The following RAB31 variants were observed in gnomAD, a reference collection of about 807,000 sequenced individuals.
RAB31 encodes ras-related protein Rab-31.
In RAB31, 21 loss-of-function variants were observed where a neutral mutation model predicts 25.6. The ratio of observed to expected loss-of-function variants is 0.82; its 90% CI spans 0.58 to 1.18. The LOEUF (loss-of-function observed/expected upper bound fraction) is 1.18, where lower values mean the gene tolerates loss of function less well. Among genes scored for constraint, RAB31 ranks in the 50% most tolerant of loss-of-function variants. RAB31 has a pLI of 0.00. For missense variants in RAB31, 196 were observed against 250.1 expected, an observed-to-expected ratio of 0.78 and a Z score of 1.46; for synonymous variants, 87 against 84.0, an observed-to-expected ratio of 1.04 and a Z score of -0.20.
intron 1 of RAB31, among the ~76,000 whole-genome samples, chr18:9,742,756 G>A (rs1294527876): frequency 6.6e-6 from 1 of 152,200 alleles, no homozygotes; most frequent in African/African-American, 2.4e-5. Context: ...GAGCAGTGCA[G>A]ACGCCTTCTC....
chr18:9,774,740 T>G, intron 1 of RAB31: 1 of 418,918 alleles, frequency 2.4e-6, no homozygotes, highest in South Asian at 1.8e-5. Context: ...GAGAAAGAAC[T>G]GAGACAAGAC....
At chr18:9,807,821 A>G (rs2068549911) in intron 3 of RAB31, among the ~76,000 whole-genome samples, 1 of 152,172 alleles carries the variant, frequency 6.6e-6, no homozygotes, top group Non-Finnish European at 1.5e-5. Context: ...AAAAACTTAA[A>G]AAAAAACTTA....
At chr18:9,744,845 A>G (rs184221220) in intron 1 of RAB31, among the ~76,000 whole-genome samples, 1 of 152,342 alleles carries the variant, frequency 6.6e-6, no homozygotes, top group East Asian at 1.9e-4. Flanking sequence ...TATAGCCATA[A>G]ACACCTACAT....
chr18:9,769,991 T>C (rs775620351), intron 1 of RAB31, among the ~76,000 whole-genome samples: 2 of 152,212 alleles, frequency 1.3e-5, no homozygotes, highest in Non-Finnish European at 2.9e-5. Flanking sequence ...TGGATTACGA[T>C]TATTGATTTG....
chr18:9,836,407 C>T (rs2068704430), intron 5 of RAB31, among the ~76,000 whole-genome samples: 1 of 152,126 alleles, frequency 6.6e-6, no homozygotes, highest in African/African-American at 2.4e-5. Flanking sequence ...TTTTATTTAA[C>T]TGTAAAATGG....
rs1001535176 is a variant in RAB31, at chr18:9,860,506, T to C, written c.*1181T>C. 2 of 152,192 alleles carry C rather than the reference T, an allele frequency of 1.3e-5. No homozygotes were observed. Among genetic ancestry groups the C allele is most frequent in the African/African-American group, 4.8e-5 (2 of 41,434 alleles). 9.4% of individuals were successfully genotyped at this position (152,192 alleles called of 1,614,324 possible). On this transcript the variant is annotated 3_prime_UTR_variant, in exon 7 of 7. Coordinates refer to ENST00000578921, the MANE Select transcript of RAB31 (RefSeq NM_006868.4). ...TCCCTGTCTGCTCAATTAAAGATGTTTGAATCCAAAGGAAGTCAAGGAAGA... is the reference window on the plus strand; with the variant it reads ...TCCCTGTCTGCTCAATTAAAGATGTCTGAATCCAAAGGAAGTCAAGGAAGA...
chr18:9,829,962 T>C (rs1356193152), intron 5 of RAB31, among the ~76,000 whole-genome samples: 2 of 151,870 alleles, frequency 1.3e-5, no homozygotes, highest in Admixed American at 1.3e-4. Context: ...CGAATTTAGG[T>C]CTTATATTTT....
chr18:9,792,603 T>G (rs574264962), intron 3 of RAB31, among the ~76,000 whole-genome samples: 1 of 152,304 alleles, frequency 6.6e-6, no homozygotes, highest in Non-Finnish European at 1.5e-5. Context: ...TACACCTACC[T>G]TCAGCCTTTT....
rs1309457807 is a variant in RAB31 at position 9,792,164 on chromosome 18, A to G, written c.130A>G (p.Met44Val). 1.9e-6 allele frequency: 3 copies of G among 1,610,788 alleles called. No homozygotes were observed. ...ACTCTCTTTTTTCAGGGCATCTTTT[A>G]TGACCAAAACTGTGCCTTGTGGAAA... ...NISPTIGASF[M>V]TKTVPCGNEL... Residue 44 changes from methionine to valine, a missense_variant, in exon 3 of 7, where the codon ATG (methionine) becomes GTG (valine). Coordinates refer to ENST00000578921, the MANE Select transcript of RAB31 (RefSeq NM_006868.4).
intron 1 of RAB31, among the ~76,000 whole-genome samples, chr18:9,729,099 G>A (rs77693327): frequency 0.021 from 3,144 of 152,052 alleles, 111 homozygotes; most frequent in South Asian, 0.15. Flanking sequence ...TCCTCAGTTT[G>A]TTGTTTCATG....
intron 5 of RAB31, among the ~76,000 whole-genome samples, chr18:9,831,017 G>A (rs145113091): frequency 1.6e-3 from 240 of 152,312 alleles, no homozygotes; most frequent in African/African-American, 5.4e-3. Flanking sequence ...TTCTTGGGCC[G>A]TCTCTTCTGT....
At chr18:9,818,632 T>C (rs920665689) in intron 5 of RAB31, among the ~76,000 whole-genome samples, 14 of 152,220 alleles carry the variant, frequency 9.2e-5, no homozygotes, top group Non-Finnish European at 2.9e-5. Context: ...TTATGAAAAA[T>C]GTTCCTATGA....
intron 1 of RAB31, among the ~76,000 whole-genome samples, chr18:9,714,542 C>T (rs1390184294): frequency 1.3e-5 from 2 of 152,208 alleles, no homozygotes. Flanking sequence ...AACGCAAAAG[C>T]TTTTGAGTTC....
intron 1 of RAB31, among the ~76,000 whole-genome samples, chr18:9,772,955 T>G (rs1338801967): frequency 6.6e-6 from 1 of 152,236 alleles, no homozygotes; most frequent in Non-Finnish European, 1.5e-5. Context: ...GAATCCATAC[T>G]TGAGGTGCAG....
At chr18:9,724,280 A>C (rs574547001) in intron 1 of RAB31, among the ~76,000 whole-genome samples, 3 of 123,592 alleles carry the variant, frequency 2.4e-5, no homozygotes, top group East Asian at 4.5e-4. Flanking sequence ...CAAAAAAAAA[A>C]AAAAAAACAA....
chr18:9,806,069 C>A (rs369201267), intron 3 of RAB31, among the ~76,000 whole-genome samples: 33 of 151,898 alleles, frequency 2.2e-4, no homozygotes, highest in African/African-American at 7.7e-4. Flanking sequence ...CCCAGCTACT[C>A]GGGAGGCTGA....
chr18:9,770,394 G>A (rs569595374), intron 1 of RAB31, among the ~76,000 whole-genome samples: 123 of 152,312 alleles, frequency 8.1e-4, no homozygotes, highest in Non-Finnish European at 9.8e-4. Context: ...GGTGCCTAGC[G>A]TTTTGTGTGG....
At position 9,766,251 on chromosome 18, in the gene RAB31, A is replaced by G. The variant is rs2068315322; in HGVS notation, c.40-9027A>G. Among the ~76,000 whole-genome samples, 2 of 152,164 alleles carry G rather than the reference A, an allele frequency of 1.3e-5. No individual in the cohort carries two copies. The highest frequency in any genetic ancestry group is 2.9e-5 in the Non-Finnish European group (2 of 68,022). ...CTCTCACTCTTTCCAGACAGGGCTG[A>G]GGCACCCTCCTGCTCCAAGATGTGG... On this transcript the variant is annotated intron_variant, in intron 1 of 6. Transcript: ENST00000578921. The surrounding 1 kb of genome is among the most constrained non-coding windows in gnomAD (Gnocchi z 4.3).
chr18:9,809,147 T>C (rs886743310), intron 3 of RAB31, among the ~76,000 whole-genome samples: 1 of 152,216 alleles, frequency 6.6e-6, no homozygotes, highest in African/African-American at 2.4e-5. Flanking sequence ...AGAGCCTCCA[T>C]CCTGAGCCTG....
Sources: gnomAD v4.1 joint callset for allele counts (sites outside exome capture counted in the v4.1 genomes callset) on GRCh38, gnomAD v4.1.1 for gene constraint, Gnocchi (gnomAD v3.1) non-coding constraint, MANE v1.5 for transcripts, NCBI Gene and HGNC (gene_info 2026-07-23, HGNC 2026-07-21) for gene names.